Variants in MAN2B2 observed in about 807,000 individuals in gnomAD.
MAN2B2 encodes the protein mannosidase alpha class 2B member 2, also known as epididymis-specific alpha-mannosidase.
In MAN2B2, 106 loss-of-function variants were observed where a neutral mutation model predicts 117.1. The ratio of observed to expected loss-of-function variants is 0.90; its 90% CI spans 0.77 to 1.06. The LOEUF (loss-of-function observed/expected upper bound fraction) is 1.06, where lower values mean the gene tolerates loss of function less well. MAN2B2 is among the 50% of genes least tolerant of loss of function. MAN2B2 has a pLI of 0.00. For missense variants in MAN2B2, 1,326 were observed against 1,381.4 expected, an observed-to-expected ratio of 0.96 and a Z score of 0.64; for synonymous variants, 544 against 595.1, an observed-to-expected ratio of 0.91 and a Z score of 1.25.
chr4:6,605,318 C>G lies in MAN2B2; in HGVS notation c.1803C>G (p.Ser601Arg), dbSNP rs1221340525. 2 of 1,608,516 alleles carry G rather than the reference C, an allele frequency of 1.2e-6. No homozygotes were observed. Among genetic ancestry groups the G allele is most frequent in the Admixed American group, 1.7e-5 (1 of 59,926 alleles). ...ACCAGGATACCAACCTGATGCACAG[C>G]ATCTGGGAGAGGTAAGGTGCAGCCA... ...LLDQDTNLMH[S>R]IWERQSNRTV... Residue 601 changes from serine (S) to arginine (R), a missense_variant, in exon 11 of 19, where the codon AGC becomes AGG. Transcript: ENST00000285599.
At chr4:6,613,407 T>G (rs143455413) in intron 15 of MAN2B2, among the ~76,000 whole-genome samples, 3,081 of 152,114 alleles carry the variant, frequency 0.02, 99 homozygotes, top group African/African-American at 0.07. Flanking sequence ...TGTGAGACCC[T>G]GTCTCTACAA....
Position 6,609,109 on chromosome 4 carries a change from A to G in MAN2B2, c.1817A>G (p.Gln606Arg). The G allele has an allele frequency of 2.5e-6, 4 of 1,612,976 alleles. No individual in the cohort carries two copies. Among genetic ancestry groups the G allele is most frequent in the Non-Finnish European group, 1.7e-6 (2 of 1,179,306 alleles). The change falls in exon 12 of 19, where the codon CAG becomes CGG. Residue 606 changes from glutamine (Q) to arginine (R), a missense_variant and splice_region_variant. By Grantham distance (43) the Gln-to-Arg change is conservative. Coordinates refer to ENST00000285599, the MANE Select transcript of MAN2B2 (RefSeq NM_015274.3). ...TCTTCTCTCTCCTGCCTCTGCAGAC[A>G]GAGTAACCGAACGGTGCGCGTGACC... ...TNLMHSIWER[Q>R]SNRTVRVTQE...
chr4:6,587,297 C>T (rs1560640870), intron 4 of MAN2B2, 129 bp downstream of exon 4: 9 of 1,136,814 alleles, frequency 7.9e-6, no homozygotes, highest in Admixed American at 2.8e-5. Flanking sequence ...GCATAGACCG[C>T]GGGGCTGTCC....
rs1476548118 is a variant in MAN2B2 at position 6,622,020 on chromosome 4, CA to C, written c.*739del. 1.3e-5 allele frequency: 2 copies of C among 152,368 alleles called. No individual in the cohort carries two copies. Among genetic ancestry groups the C allele is most frequent in the African/African-American group, 4.8e-5 (2 of 41,564 alleles). 9.4% of individuals were successfully genotyped at this position (152,368 alleles called of 1,614,324 possible). ...CTCCCGCGTTCATAGCAGCATTACT[CA>C]AAAGTCAAACGGTAGCAACAACCCA... On this transcript the variant is annotated 3_prime_UTR_variant, in exon 19 of 19. Transcript: ENST00000285599.
rs1342490078 is a variant in MAN2B2 at position 6,609,102 on chromosome 4, T to C, written c.1815-5T>C. On this transcript the variant is annotated splice_polypyrimidine_tract_variant and splice_region_variant and intron_variant, in intron 11 of 18. Transcript: ENST00000285599. ...AATGACATCTTCTCTCTCCTGCCTC[T>C]GCAGACAGAGTAACCGAACGGTGCG... is the stretch of plus-strand genomic sequence containing the variant. 1.2e-6 allele frequency: 2 copies of C among 1,611,700 alleles called. No individual in the cohort carries two copies. Among genetic ancestry groups the C allele is most frequent in the Non-Finnish European group, 1.7e-6 (2 of 1,178,564 alleles).
chr4:6,579,009 CCACCACCACCAT>C (rs1560634017), intron 3 of MAN2B2, among the ~76,000 whole-genome samples: 3 of 131,508 alleles, frequency 2.3e-5, no homozygotes, highest in African/African-American at 9.2e-5. Context: ...ACCATCACCA[CCACCACCACCAT>C]CACCATCACC....
chr4:6,590,554 C>T (rs879322803), intron 5 of MAN2B2, among the ~76,000 whole-genome samples: 9 of 152,216 alleles, frequency 5.9e-5, no homozygotes, highest in Non-Finnish European at 1.2e-4. Context: ...CACCCCATCC[C>T]GTCCACGGTC....
rs763808970 is a variant in MAN2B2 at position 6,576,550 on chromosome 4, G to A, written c.139-28G>A. The stretch of plus-strand genomic sequence containing the variant: ...GGGACACTTGGTCTTGTTGGACCGG[G>A]GCTGGCATGATGCTGTCCCCTCCCC... On this transcript the variant is annotated intron_variant, in intron 1 of 18. Transcript: ENST00000285599. The A allele has an allele frequency of 3.1e-6, 5 of 1,601,986 alleles. No individual in the cohort carries two copies. In the East Asian group the frequency reaches 9.0e-5, roughly 29 times the overall value.
chr4:6,594,043 A>G (rs532387041), intron 6 of MAN2B2, among the ~76,000 whole-genome samples: 1 of 152,148 alleles, frequency 6.6e-6, no homozygotes, highest in African/African-American at 2.4e-5. Flanking sequence ...AAGATCAGTA[A>G]CTCAGTCATG....
chr4:6,596,457 A>G (rs17724993), intron 7 of MAN2B2, among the ~76,000 whole-genome samples: 70,760 of 151,954 alleles, frequency 0.47, 16,720 homozygotes, highest in East Asian at 0.64. Flanking sequence ...CAGGAAAGCA[A>G]AAGCAATAGG....
At position 6,605,075 on chromosome 4, in the gene MAN2B2, C is replaced by A; in HGVS notation, c.1560C>A (p.Thr520=). The A allele has an allele frequency of 6.2e-7, 1 of 1,613,664 alleles. No individual in the cohort carries two copies. Among genetic ancestry groups the A allele is most frequent in the East Asian group, 2.2e-5 (1 of 44,868 alleles). The change falls in exon 11 of 19, where the codon ACC becomes ACA. Residue 520 remains threonine, a synonymous_variant. Transcript: ENST00000285599. ...TGCAGATCCAGAACTCAACAGAGAC[C>A]CCATCTGCGTATGACCTGCTTATTC... ...VPSQIQNSTE[T]PSAYDLLILT...
At chr4:6,592,942 C>G (rs11725467) in intron 5 of MAN2B2, among the ~76,000 whole-genome samples, 58,548 of 152,166 alleles carry the variant, frequency 0.38, 12,911 homozygotes, top group East Asian at 0.64. Flanking sequence ...CCTCACCAAG[C>G]CCCCGGCCTC....
At chr4:6,599,580 G>GTGAACC (rs1009409508) in intron 9 of MAN2B2, among the ~76,000 whole-genome samples, 11 of 151,554 alleles carry the variant, frequency 7.3e-5, no homozygotes, top group Non-Finnish European at 1.3e-4. Flanking sequence ...GGAGAATGGC[G>GTGAACC]TGAACCCAGG....
In MAN2B2 at chr4:6,621,476, A is replaced by G. The variant is rs73798322; in HGVS notation, c.*191A>G. ...TTTTAAACAAAAATTACATTACAAG[A>G]TCCAGGTTCTTCCCCCCCACACTCA... On this transcript the variant is annotated 3_prime_UTR_variant, in exon 19 of 19. Coordinates refer to ENST00000285599, the MANE Select transcript of MAN2B2 (RefSeq NM_015274.3). The G allele has an allele frequency of 2.9e-3, 1,622 of 558,026 alleles. 20 individuals carry two copies. The highest frequency in any genetic ancestry group is 0.027 in the African/African-American group (1,457 of 53,046). 34.6% of individuals were successfully genotyped at this position (558,026 alleles called of 1,614,324 possible).
chr4:6,583,335 A>G (rs890373340), intron 3 of MAN2B2, among the ~76,000 whole-genome samples: 4 of 152,066 alleles, frequency 2.6e-5, no homozygotes, highest in Admixed American at 1.3e-4. Context: ...GTGTCATGTG[A>G]CCTCTACCAG....
Position 6,593,254 on chromosome 4 carries a change from C to G in MAN2B2, c.762C>G (p.Val254=), listed in dbSNP as rs373931015. The change falls in exon 6 of 19, where the codon GTC becomes GTG. Residue 254 remains valine, a synonymous_variant. Transcript: ENST00000285599. The part of the protein sequence containing the change: ...DGVYPNMSEP[V]TPANINLYAE... ...TGTACCCCAACATGAGTGAGCCTGT[C>G]ACCCCAGCCAACATCAACCTCTATG... 4 of 1,614,050 alleles carry G rather than the reference C, an allele frequency of 2.5e-6. No homozygotes were observed. The highest frequency in any genetic ancestry group is 3.4e-6 in the Non-Finnish European group (4 of 1,179,960).
At chr4:6,619,895 A>G in intron 17 of MAN2B2, 32 bp from the exon 18 acceptor site, 2 of 1,589,170 alleles carry the variant, frequency 1.3e-6, no homozygotes, top group Admixed American at 1.7e-5. Flanking sequence ...AACTTGGTGC[A>G]GCTCACTCTC....
At chr4:6,581,393 A>G (rs1257903292) in intron 3 of MAN2B2, among the ~76,000 whole-genome samples, 1 of 152,098 alleles carries the variant, frequency 6.6e-6, no homozygotes, top group Admixed American at 6.5e-5. Context: ...CGGGATTTAT[A>G]TATATGCAGT....
intron 11 of MAN2B2, 101 bp from the exon 12 acceptor site, chr4:6,609,006 C>A: frequency 9.0e-7 from 1 of 1,109,446 alleles, no homozygotes; most frequent in Middle Eastern, 2.5e-4. Context: ...GAGTGCTACG[C>A]AGGCCACTCA....
Sources: allele counts gnomAD v4.1 joint callset (sites outside exome capture counted in the v4.1 genomes callset), GRCh38; gene constraint gnomAD v4.1.1; transcripts MANE v1.5; gene names NCBI Gene and HGNC (gene_info 2026-07-23, HGNC 2026-07-21).